Variants in DCT observed in about 807,000 individuals in gnomAD.
DCT encodes dopachrome tautomerase.
In DCT, 47 loss-of-function variants were observed where a neutral mutation model predicts 53.0. That is an observed-to-expected ratio of 0.89 (90% CI 0.70 to 1.13). DCT has a LOEUF of 1.13. Among genes scored for constraint, DCT ranks in the 50% most tolerant of loss-of-function variants. The pLI is 0.00. For missense variants in DCT, 669 were observed against 637.4 expected (o/e 1.05, Z -0.53); for synonymous variants, 244 against 237.0 (o/e 1.03, Z -0.27).
Position 94,465,673 on chromosome 13 carries a change from G to A in DCT, c.823C>T (p.Arg275Trp), listed in dbSNP as rs766526063. 1.7e-5 allele frequency: 27 copies of A among 1,613,180 alleles called. No homozygotes were observed. The highest frequency in any genetic ancestry group is 4.5e-5 in the East Asian group (2 of 44,762). Residue 275 changes from arginine (R) to tryptophan (W), a missense_variant, in exon 4 of 8, where the codon CGG becomes TGG. Arg to Trp is a moderately radical substitution (Grantham distance 101). Transcript: ENST00000377028. ...ARPDDPTLIS[R>W]NSRFSSWETV... ...TCCCAGCTGGAGAATCTTGAGTTCC[G>A]ACTAATCAGAGTCGGATCGTCTGGT...
intron 1 of DCT, among the ~76,000 whole-genome samples, chr13:94,469,255 G>C (rs1025823433): frequency 7.2e-5 from 11 of 152,112 alleles, no homozygotes; most frequent in African/African-American, 2.4e-4. Context: ...CACATTCCCA[G>C]CAAAGAAACA....
intron 1 of DCT, among the ~76,000 whole-genome samples, chr13:94,475,305 C>T (rs909144462): frequency 2.6e-5 from 4 of 152,160 alleles, no homozygotes; most frequent in African/African-American, 7.2e-5. Flanking sequence ...TAAGTAGAGC[C>T]ATCCAAAGTT....
At chr13:94,441,927 T>C (rs1235330794) in intron 7 of DCT, among the ~76,000 whole-genome samples, 1 of 152,178 alleles carries the variant, frequency 6.6e-6, no homozygotes, top group Non-Finnish European at 1.5e-5. Context: ...CCATACTGTT[T>C]TCCATAGTGG....
chr13:94,497,736 G>C, the DCT span, among the ~76,000 whole-genome samples: 167 of 152,288 alleles, frequency 1.1e-3, 1 homozygote, highest in Non-Finnish European at 2.3e-3. Flanking sequence ...TGTCTCAGGG[G>C]TGGCAGAGGT....
chr13:94,493,551 A>G, the DCT span, among the ~76,000 whole-genome samples: 1 of 152,218 alleles, frequency 6.6e-6, no homozygotes, highest in Non-Finnish European at 1.5e-5. Context: ...AAATATGTGC[A>G]GTATATTATA....
chr13:94,528,570 C>T, the DCT span, among the ~76,000 whole-genome samples: 3 of 152,168 alleles, frequency 2.0e-5, no homozygotes, highest in African/African-American at 7.2e-5. Context: ...AAATAAAATC[C>T]TTTACAGACA....
chr13:94,495,898 G>C, the DCT span, among the ~76,000 whole-genome samples: 1 of 152,180 alleles, frequency 6.6e-6, no homozygotes, highest in South Asian at 2.1e-4. Context: ...TTCATGAAGG[G>C]ATGGCTCTGC....
At chr13:94,498,223 A>G in the DCT span, among the ~76,000 whole-genome samples, 4 of 152,234 alleles carry the variant, frequency 2.6e-5, no homozygotes, top group Admixed American at 6.5e-5. Flanking sequence ...GTGAGTGAAA[A>G]CAGGTAGACC....
intron 6 of DCT, among the ~76,000 whole-genome samples, chr13:94,458,940 G>A (rs549949737): frequency 7.9e-5 from 12 of 152,168 alleles, no homozygotes; most frequent in African/African-American, 2.2e-4. Context: ...GCAGTGGCAC[G>A]ATCATGGCTC....
chr13:94,477,247 C>A (rs1323887709), intron 1 of DCT, among the ~76,000 whole-genome samples: 4 of 152,214 alleles, frequency 2.6e-5, no homozygotes, highest in African/African-American at 9.6e-5. Flanking sequence ...AGGTGCCTGC[C>A]ACCACACCCA....
the DCT span, among the ~76,000 whole-genome samples, chr13:94,539,066 C>T: frequency 3.0e-3 from 461 of 152,296 alleles, 2 homozygotes; most frequent in African/African-American, 0.011. Context: ...CTCCAATAGA[C>T]TTTTTATGAC....
At chr13:94,496,142 C>G in the DCT span, among the ~76,000 whole-genome samples, 1 of 152,178 alleles carries the variant, frequency 6.6e-6, no homozygotes, top group Non-Finnish European at 1.5e-5. Context: ...TTAATCAACT[C>G]AGAGATTAAG....
chr13:94,463,509 C>T (rs1463315653), intron 4 of DCT, among the ~76,000 whole-genome samples: 2 of 152,000 alleles, frequency 1.3e-5, no homozygotes, highest in East Asian at 1.9e-4. Context: ...AGGCTGGTCT[C>T]GAACTCCTGA....
chr13:94,466,528 A>T (rs1413300497), intron 3 of DCT, 30 bp downstream of exon 3: 4 of 1,459,752 alleles, frequency 2.7e-6, no homozygotes, highest in Non-Finnish European at 3.7e-6. Flanking sequence ...TTAAAAAATT[A>T]AAAGAACTAA....
At position 94,439,978 on chromosome 13, in the gene DCT, G is replaced by A. The variant is rs1303905899; in HGVS notation, c.1480C>T (p.Gln494Ter). 1.9e-6 allele frequency: 3 copies of A among 1,613,782 alleles called. No individual in the cohort carries two copies. The highest frequency in any genetic ancestry group is 2.7e-5 in the African/African-American group (2 of 74,882). The change falls in exon 8 of 8, where the codon CAA (glutamine) becomes TAA (stop). Residue 494 changes from glutamine (Q) to a stop codon, truncating the protein, a stop_gained. Transcript: ENST00000377028. LOFTEE classifies it high-confidence loss of function. ...TATCCTTTTCGAAGTCTTCTATATT[G>A]AAGAAAAGCCAACAGCACAAAAAGA... ...VGLFVLLAFLQYRRLRKGYTP... is the reference protein window; with the variant it reads ...VGLFVLLAFL
chr13:94,465,676 T>A lies in DCT; in HGVS notation c.820A>T (p.Ser274Cys). ...AARPDDPTLISRNSRFSSWET... is the reference protein window; with the variant it reads ...AARPDDPTLICRNSRFSSWET... The stretch of plus-strand genomic sequence containing the variant: ...CAGCTGGAGAATCTTGAGTTCCGAC[T>A]AATCAGAGTCGGATCGTCTGGTCTC... The change falls in exon 4 of 8, where the codon AGT (serine) becomes TGT (cysteine). Residue 274 changes from serine (S) to cysteine (C), a missense_variant. By Grantham distance (112) the Ser-to-Cys change is moderately radical. Transcript: ENST00000377028. 1 of 1,613,642 alleles carries A rather than the reference T, an allele frequency of 6.2e-7. No individual in the cohort carries two copies. Among genetic ancestry groups the A allele is most frequent in the Non-Finnish European group, 8.5e-7 (1 of 1,179,874 alleles).
chr13:94,451,042 A>C (rs1225557036), intron 6 of DCT, among the ~76,000 whole-genome samples: 3 of 152,118 alleles, frequency 2.0e-5, no homozygotes, highest in African/African-American at 4.8e-5. Context: ...GCACCTGTGA[A>C]ATTAAAGAAA....
At chr13:94,527,040 G>A in the DCT span, among the ~76,000 whole-genome samples, 1 of 152,108 alleles carries the variant, frequency 6.6e-6, no homozygotes, top group African/African-American at 2.4e-5. Flanking sequence ...GTCTGAGATT[G>A]ACCCGCAACA....
chr13:94,542,000 A>AT, the DCT span, among the ~76,000 whole-genome samples: 1 of 151,976 alleles, frequency 6.6e-6, no homozygotes, highest in Non-Finnish European at 1.5e-5. Context: ...CTCAATACCC[A>AT]TTTTCTAGGT....
Sources: allele counts gnomAD v4.1 joint callset (sites outside exome capture counted in the v4.1 genomes callset), GRCh38; gene constraint gnomAD v4.1.1; transcripts MANE v1.5; gene names NCBI Gene and HGNC (gene_info 2026-07-23, HGNC 2026-07-21).